MSH4: variants seen among roughly 807,000 people sequenced by gnomAD.
The protein encoded by MSH4 is mutS protein homolog 4.
In MSH4, 106 loss-of-function variants were observed where a neutral mutation model predicts 113.7. That is an observed-to-expected ratio of 0.93 (90% CI 0.80 to 1.10). The LOEUF (loss-of-function observed/expected upper bound fraction) is 1.10. Among genes scored for constraint, MSH4 ranks in the 50% least tolerant of loss-of-function variants. MSH4 has a pLI of 0.00. For synonymous variants in MSH4, 368 were observed against 380.2 expected, an observed-to-expected ratio of 0.97 and a Z score of 0.37; for missense variants, 1,061 against 1,093.7, an observed-to-expected ratio of 0.97 and a Z score of 0.42.
At chr1:75,868,669 TG>T (rs1318376514) in intron 9 of MSH4, among the ~76,000 whole-genome samples, 2 of 152,168 alleles carry the variant, frequency 1.3e-5, no homozygotes, top group African/African-American at 4.8e-5. Context: ...AATTGAATCA[TG>T]GGGGTGGTTT....
intron 17 of MSH4, among the ~76,000 whole-genome samples, chr1:75,891,650 C>T (rs1425255318): frequency 1.3e-5 from 2 of 151,956 alleles, no homozygotes; most frequent in Non-Finnish European, 2.9e-5. Flanking sequence ...GACGGGGTTT[C>T]ACCATGTTAC....
intron 15 of MSH4, among the ~76,000 whole-genome samples, chr1:75,888,976 G>A (rs1035545403): frequency 1.3e-5 from 2 of 150,966 alleles, no homozygotes; most frequent in African/African-American, 2.4e-5. Flanking sequence ...CTCACTGCAG[G>A]CTCCGCCTCC....
chr1:75,808,096 G>A (rs5745342), intron 3 of MSH4, among the ~76,000 whole-genome samples: 2,883 of 152,260 alleles, frequency 0.019, 96 homozygotes, highest in African/African-American at 0.067. Context: ...ATTTGTGAAA[G>A]ATAAAATTTA....
intron 7 of MSH4, among the ~76,000 whole-genome samples, chr1:75,837,148 G>A (rs1650846990): frequency 6.6e-6 from 1 of 152,150 alleles, no homozygotes; most frequent in Admixed American, 6.6e-5. Context: ...GCCCTTATAA[G>A]AGAAGCTCAA....
At chr1:75,901,040 A>G (rs1038756428) in intron 19 of MSH4, among the ~76,000 whole-genome samples, 2 of 152,170 alleles carry the variant, frequency 1.3e-5, no homozygotes, top group Admixed American at 6.5e-5. Context: ...TTTTTAATTG[A>G]TAATAGTTGT....
At chr1:75,814,081 T>C (rs543109197) in intron 4 of MSH4, among the ~76,000 whole-genome samples, 4 of 152,254 alleles carry the variant, frequency 2.6e-5, no homozygotes, top group South Asian at 4.2e-4. Context: ...TCTATTGATA[T>C]AATATTACCT....
intron 19 of MSH4, among the ~76,000 whole-genome samples, chr1:75,907,689 C>CTCTCTCT (rs1557535183): frequency 2.3e-4 from 18 of 78,624 alleles, no homozygotes; most frequent in Middle Eastern, 0.011. Context: ...TCTCTCTATA[C>CTCTCTCT]ATATATATAT....
chr1:75,833,665 C>T (rs36128965), intron 7 of MSH4, among the ~76,000 whole-genome samples: 2 of 152,048 alleles, frequency 1.3e-5, no homozygotes, highest in African/African-American at 4.8e-5. Context: ...ACAAACCTGA[C>T]AAAAACAAGA....
rs776946112 is a variant in MSH4, at chr1:75,883,789, A to T, written c.2075A>T (p.Gln692Leu). 3 of 1,612,930 alleles carry T rather than the reference A, an allele frequency of 1.9e-6. No homozygotes were observed. Among genetic ancestry groups the T allele is most frequent in the Non-Finnish European group, 2.5e-6 (3 of 1,179,488 alleles). ...AGTGGAAAATCCACATATTTAAAAC[A>T]GATTGCTCTTTGTCAGATTATGGCC... ...NMSGKSTYLK[Q>L]IALCQIMAQI... The change falls in exon 15 of 20, where the codon CAG becomes CTG. Residue 692 changes from glutamine (Q) to leucine (L), a missense_variant. Gln to Leu is a moderately radical substitution (Grantham distance 113, BLOSUM62 -2). Transcript: ENST00000263187.
At chr1:75,833,858 C>T (rs559944894) in intron 7 of MSH4, among the ~76,000 whole-genome samples, 10 of 152,332 alleles carry the variant, frequency 6.6e-5, no homozygotes, top group South Asian at 2.1e-4. Flanking sequence ...CAATACCATT[C>T]AGGTCATAGG....
chr1:75,857,873 C>T (rs747293539), intron 8 of MSH4, among the ~76,000 whole-genome samples: 13 of 152,056 alleles, frequency 8.5e-5, no homozygotes, highest in Admixed American at 5.9e-4. Flanking sequence ...GCTTTTTTCA[C>T]GATATTGATT....
chr1:75,877,731 G>A (rs1024988425), intron 10 of MSH4, among the ~76,000 whole-genome samples: 23 of 152,170 alleles, frequency 1.5e-4, no homozygotes, highest in African/African-American at 5.3e-4. Flanking sequence ...ACCGAAGGCA[G>A]GGATCATATG....
intron 1 of MSH4, among the ~76,000 whole-genome samples, chr1:75,800,632 GT>G (rs34448343): frequency 0.32 from 47,870 of 151,910 alleles, 8,136 homozygotes; most frequent in African/African-American, 0.44. Flanking sequence ...GAGTGTTAGG[GT>G]TGATGAAGGA....
chr1:75,855,875 C>G (rs577984866), intron 8 of MSH4, among the ~76,000 whole-genome samples: 2 of 152,266 alleles, frequency 1.3e-5, no homozygotes, highest in East Asian at 3.9e-4. Context: ...TAAGTGAAGG[C>G]TATGTTTCTA....
rs559449019 is a variant in MSH4, at chr1:75,806,845, A to T, written c.428-136A>T. ...CTGAACCAATAGATCCTTTAGGGAG[A>T]ATTGAAATAAGAGGCTAACTGATAT... On this transcript the variant is annotated intron_variant, in intron 2 of 19. Transcript: ENST00000263187. 8.6e-6 allele frequency: 6 copies of T among 696,550 alleles called. No homozygotes were observed. In the East Asian group the frequency reaches 2.0e-4, roughly 23 times the overall value. The allele number at this position is 696,550 out of a possible 1,614,324, so 43.1% of individuals were successfully genotyped here.
intron 7 of MSH4, among the ~76,000 whole-genome samples, chr1:75,828,619 G>T (rs1650609913): frequency 6.6e-6 from 1 of 152,076 alleles, no homozygotes; most frequent in Non-Finnish European, 1.5e-5. Context: ...GTACACATGG[G>T]GATATAAAGA....
intron 17 of MSH4, among the ~76,000 whole-genome samples, chr1:75,891,549 G>A (rs1241728749): frequency 6.6e-6 from 1 of 152,034 alleles, no homozygotes; most frequent in Non-Finnish European, 1.5e-5. Context: ...CACCTTTCAG[G>A]CTCCAGCAAT....
At chr1:75,842,941 C>T (rs970693166) in intron 7 of MSH4, among the ~76,000 whole-genome samples, 1 of 152,212 alleles carries the variant, frequency 6.6e-6, no homozygotes, top group African/African-American at 2.4e-5. Flanking sequence ...TGCTGTGCTT[C>T]AGTGGTCACA....
chr1:75,904,521 CT>C (rs113449051), intron 19 of MSH4, among the ~76,000 whole-genome samples: 12 of 148,094 alleles, frequency 8.1e-5, no homozygotes, highest in Non-Finnish European at 7.5e-5. Context: ...CTTTTTCTTT[CT>C]TTTTTTTTTG....
Sources: gnomAD v4.1 joint callset for allele counts (sites outside exome capture counted in the v4.1 genomes callset) on GRCh38, gnomAD v4.1.1 for gene constraint, MANE v1.5 for transcripts, NCBI Gene and HGNC (gene_info 2026-07-23, HGNC 2026-07-21) for gene names.